The following WDR25 variants were observed in gnomAD, a reference collection of about 807,000 sequenced individuals.
The protein encoded by WDR25 is WD repeat-containing protein 25.
In WDR25, 35 loss-of-function variants were observed where a neutral mutation model predicts 47.7. The ratio of observed to expected loss-of-function variants is 0.73; its 90% confidence interval spans 0.56 to 0.97. The LOEUF (loss-of-function observed/expected upper bound fraction) is 0.97. WDR25 is among the 50% of genes least tolerant of loss of function. The pLI is 0.00. For synonymous variants in WDR25, 248 were observed against 278.9 expected (o/e 0.89, Z 1.10); for missense variants, 634 against 704.7 (o/e 0.90, Z 1.14).
At chr14:100,405,859 T>C (rs1897521731) in intron 2 of WDR25, among the ~76,000 whole-genome samples, 2 of 152,188 alleles carry the variant, frequency 1.3e-5, no homozygotes, top group Admixed American at 6.5e-5. Flanking sequence ...CCTGGATGTT[T>C]TTCTCTGTAA....
chr14:100,427,683 T>A (rs530436927), intron 2 of WDR25, among the ~76,000 whole-genome samples: 1 of 152,380 alleles, frequency 6.6e-6, no homozygotes, highest in Non-Finnish European at 1.5e-5. Flanking sequence ...CTTTCACCAC[T>A]GAAGGAAATA....
At position 100,525,035 on chromosome 14, in the gene WDR25, G is replaced by A. The variant is rs184458251; in HGVS notation, c.1102-835G>A. Among the ~76,000 whole-genome samples, 84 of 152,324 alleles carry A rather than the reference G, an allele frequency of 5.5e-4. No homozygotes were observed. The highest frequency in any genetic ancestry group is 1.9e-3 in the African/African-American group (77 of 41,584). The stretch of plus-strand genomic sequence containing the variant: ...GCTGCAGCCACATGGTGGCGGCCCA[G>A]GAACTGGTAAAGGGACCGGCCGGCC... On this transcript the variant is annotated intron_variant, in intron 4 of 6. Transcript: ENST00000402312. This position sits in a 1 kb window ranked among gnomAD's most constrained non-coding sequence, Gnocchi z 4.6.
intron 3 of WDR25, among the ~76,000 whole-genome samples, chr14:100,476,101 A>G (rs778867022): frequency 1.3e-5 from 2 of 152,318 alleles, no homozygotes; most frequent in Non-Finnish European, 2.9e-5. Context: ...GCTCTCCTAC[A>G]TACATTATTG....
chr14:100,509,884 CCT>C (rs1233461226), intron 4 of WDR25, among the ~76,000 whole-genome samples: 1 of 151,818 alleles, frequency 6.6e-6, no homozygotes, highest in African/African-American at 2.4e-5. Context: ...TGTGCCTTTA[CCT>C]CTCTGTGGAA....
At position 100,525,584 on chromosome 14, in the gene WDR25, C is replaced by T. The variant is rs536868342; in HGVS notation, c.1102-286C>T. 3.4e-4 allele frequency among the ~76,000 whole-genome samples: 52 copies of T among 152,302 alleles called. No individual in the cohort carries two copies. The highest frequency in any genetic ancestry group is 6.0e-4 in the Non-Finnish European group (41 of 68,024). On this transcript the variant is annotated intron_variant, in intron 4 of 6. Transcript: ENST00000402312. This position sits in a 1 kb window ranked among gnomAD's most constrained non-coding sequence, Gnocchi z 4.6. ...TGGCGAGTCAAGGCCCTTCCCTTTG[C>T]GCTTTCCCTGGGATCCTGCTGCTCT...
chr14:100,485,040 G>T (rs187160400), intron 4 of WDR25, among the ~76,000 whole-genome samples: 1 of 152,254 alleles, frequency 6.6e-6, no homozygotes, highest in East Asian at 1.9e-4. Context: ...CTGGGGGTAG[G>T]TCAGCATTTC....
At position 100,381,617 on chromosome 14, in the gene WDR25, A is replaced by G. The variant is rs1490703656; in HGVS notation, c.693A>G (p.Glu231=). The part of the protein sequence containing the change: ...IQPYLNSHYK[E]TTVPRKVLFH... ...CATATTTGAATAGCCATTATAAAGAAACCACAGTTCCCCGGAAAGTGCTTT... is the reference window on the plus strand; with the variant it reads ...CATATTTGAATAGCCATTATAAAGAGACCACAGTTCCCCGGAAAGTGCTTT... Residue 231 remains glutamate, a synonymous_variant, in exon 2 of 7, where the codon GAA becomes GAG. Coordinates refer to ENST00000402312, the MANE Select transcript of WDR25 (RefSeq NM_001161476.3). The G allele has an allele frequency of 6.2e-7, 1 of 1,608,224 alleles. No individual in the cohort carries two copies. The highest frequency in any genetic ancestry group is 2.2e-5 in the East Asian group (1 of 44,702).
chr14:100,382,714 C>T (rs1337998168), intron 2 of WDR25, among the ~76,000 whole-genome samples: 2 of 152,106 alleles, frequency 1.3e-5, no homozygotes, highest in Admixed American at 6.5e-5. Context: ...TAGCGGGTGC[C>T]AACTAAATGC....
At chr14:100,457,145 G>A (rs1423693882) in intron 2 of WDR25, among the ~76,000 whole-genome samples, 1 of 152,072 alleles carries the variant, frequency 6.6e-6, no homozygotes, top group African/African-American at 2.4e-5. Context: ...AATAGAGACA[G>A]GGTTTCACCA....
chr14:100,421,977 T>C (rs1243113616), intron 2 of WDR25, among the ~76,000 whole-genome samples: 1 of 152,232 alleles, frequency 6.6e-6, no homozygotes, highest in Non-Finnish European at 1.5e-5. Context: ...TGGAAGGTTG[T>C]TTTTACTTTT....
At chr14:100,432,294 T>G in intron 2 of WDR25, among the ~76,000 whole-genome samples, 1 of 152,200 alleles carries the variant, frequency 6.6e-6, no homozygotes, top group East Asian at 1.9e-4. Context: ...TATAAAAATA[T>G]AATAAGTCAA....
intron 2 of WDR25, among the ~76,000 whole-genome samples, chr14:100,406,207 C>G (rs528286006): frequency 6.6e-6 from 1 of 152,136 alleles, no homozygotes; most frequent in African/African-American, 2.4e-5. Context: ...AGCACTGGGA[C>G]CTGGAGCAGT....
chr14:100,484,209 A>G, intron 4 of WDR25, 85 bp downstream of exon 4: 1 of 1,439,310 alleles, frequency 6.9e-7, no homozygotes, highest in Non-Finnish European at 9.3e-7. Context: ...CAGCATCTAT[A>G]TATAGGACCC....
chr14:100,493,581 T>C (rs576149461), intron 4 of WDR25, among the ~76,000 whole-genome samples: 1 of 152,342 alleles, frequency 6.6e-6, no homozygotes, highest in South Asian at 2.1e-4. Context: ...CCCATAATCA[T>C]TCTGCATCAG....
At chr14:100,524,880 G>C (rs921066738) in intron 4 of WDR25, among the ~76,000 whole-genome samples, 3 of 152,202 alleles carry the variant, frequency 2.0e-5, no homozygotes, top group Non-Finnish European at 4.4e-5. Context: ...CATTTAATGT[G>C]AATTTGATGT....
intron 4 of WDR25, among the ~76,000 whole-genome samples, chr14:100,493,280 T>C (rs1173985062): frequency 6.6e-6 from 1 of 152,200 alleles, no homozygotes; most frequent in East Asian, 1.9e-4. Context: ...TTAGCAGCCA[T>C]GCCTATCCCC....
At position 100,381,475 on chromosome 14, in the gene WDR25, G is replaced by A. The variant is rs751258652; in HGVS notation, c.551G>A (p.Arg184Gln). ...VPYTPRRLRQRQALSTETGKG... is the reference protein window; with the variant it reads ...VPYTPRRLRQQQALSTETGKG... ...TATACTCCCAGAAGACTAAGACAGCGGCAGGCATTAAGCACGGAGACAGGC... is the reference window on the plus strand; with the variant it reads ...TATACTCCCAGAAGACTAAGACAGCAGCAGGCATTAAGCACGGAGACAGGC... Residue 184 changes from arginine to glutamine, a missense_variant, in exon 2 of 7, where the codon CGG becomes CAG. Physicochemically the swap from Arg to Gln is conservative, Grantham distance 43. Transcript: ENST00000402312. 1.1e-5 allele frequency: 17 copies of A among 1,614,044 alleles called. No individual in the cohort carries two copies. The highest frequency in any genetic ancestry group is 4.0e-5 in the African/African-American group (3 of 74,922).
rs755752616 is a variant in WDR25, at chr14:100,529,913, C to T, written c.1507C>T (p.Arg503Cys). Residue 503 changes from arginine (R) to cysteine (C), a missense_variant, in exon 7 of 7, where the codon CGC becomes TGC. Transcript: ENST00000402312. This position sits in a 1 kb window ranked among gnomAD's most constrained non-coding sequence, Gnocchi z 5.1. The part of the protein sequence containing the change: ...ADGRVLMYSF[R>C]TASRACTLQG... ...TGGCCGGGTCCTGATGTACAGCTTC[C>T]GCACAGCCAGCCGAGCATGCACACT... The T allele has an allele frequency of 2.7e-5, 43 of 1,613,326 alleles. No homozygotes were observed. In the Middle Eastern group the frequency reaches 4.9e-4, roughly 19 times the overall value.
chr14:100,517,553 A>T (rs1901546719), intron 4 of WDR25, among the ~76,000 whole-genome samples: 1 of 152,176 alleles, frequency 6.6e-6, no homozygotes, highest in South Asian at 2.1e-4. Context: ...AAAACATATG[A>T]TTCTTCTAGG....
Sources: gnomAD v4.1 joint callset for allele counts (sites outside exome capture counted in the v4.1 genomes callset) on GRCh38, gnomAD v4.1.1 for gene constraint, Gnocchi (gnomAD v3.1) non-coding constraint, MANE v1.5 for transcripts, NCBI Gene and HGNC (gene_info 2026-07-23, HGNC 2026-07-21) for gene names.